Variants in CA8 observed in about 807,000 individuals in gnomAD.
The protein encoded by CA8 is carbonic anhydrase-related protein.
CA8 carries 22 observed loss-of-function variants against 41.4 expected under a neutral mutation model. The ratio of observed to expected loss-of-function variants is 0.53; its 90% confidence interval spans 0.38 to 0.76. CA8 has a LOEUF of 0.76. Ranked by LOEUF, CA8 falls within the 30% of genes least tolerant of loss-of-function variation. The pLI, the probability that CA8 is intolerant of heterozygous loss-of-function variation, is 0.00. For missense variants in CA8, 270 were observed against 352.8 expected (o/e 0.77, Z 1.88); for synonymous variants, 121 against 130.6 (o/e 0.93, Z 0.50).
rs761202896 is a variant in CA8, at chr8:60,222,727, G to A, written c.660C>T (p.Gly220=). Residue 220 remains glycine (G), a synonymous_variant, in exon 7 of 9, where the codon GGC becomes GGT. Coordinates refer to ENST00000317995, the MANE Select transcript of CA8 (RefSeq NM_004056.6). ...CACTGCAAGGTGGGATGGTGAGAGA[G>A]CCTTCATACACCCAGTAATCCCGCA... ...PLLRDYWVYE[G]SLTIPPCSEG... The A allele has an allele frequency of 6.2e-7, 1 of 1,613,790 alleles. No homozygotes were observed. The highest frequency in any genetic ancestry group is 1.7e-5 in the Admixed American group (1 of 60,030).
intron 3 of CA8, among the ~76,000 whole-genome samples, chr8:60,260,879 A>G (rs1803711833): frequency 6.6e-6 from 1 of 152,204 alleles, no homozygotes; most frequent in South Asian, 2.1e-4. Context: ...ATGTTCCTGA[A>G]AGTTAAATAA....
chr8:60,220,995 C>T (rs576997527), intron 7 of CA8, among the ~76,000 whole-genome samples: 15 of 152,190 alleles, frequency 9.9e-5, no homozygotes, highest in Non-Finnish European at 7.4e-5. Context: ...GCCTTCACTG[C>T]GAATCAGAAA....
rs1402583103 is a variant in CA8 at position 60,187,181 on chromosome 8, A to G, written c.*2840T>C. On this transcript the variant is annotated 3_prime_UTR_variant, in exon 9 of 9. Coordinates refer to ENST00000317995, the MANE Select transcript of CA8 (RefSeq NM_004056.6). ...TTATAAATCAATAACAAATTTGGGAATTCATAAATATGTGGAAATTAAACA... is the reference window on the plus strand; with the variant it reads ...TTATAAATCAATAACAAATTTGGGAGTTCATAAATATGTGGAAATTAAACA... 6.6e-6 allele frequency among the ~76,000 whole-genome samples: 1 copy of G among 152,112 alleles called. No individual in the cohort carries two copies. Among genetic ancestry groups the G allele is most frequent in the Non-Finnish European group, 1.5e-5 (1 of 67,964 alleles).
intron 2 of CA8, among the ~76,000 whole-genome samples, chr8:60,268,888 T>C (rs758726866): frequency 1.1e-4 from 16 of 152,158 alleles, no homozygotes; most frequent in Admixed American, 2.0e-4. Flanking sequence ...GTAATTATAT[T>C]CTATGGTATG....
chr8:60,238,620 G>A (rs1301717809), intron 3 of CA8, among the ~76,000 whole-genome samples: 1 of 152,044 alleles, frequency 6.6e-6, no homozygotes, highest in East Asian at 1.9e-4. Context: ...CCTCTCCTGG[G>A]CCCTGGCATT....
chr8:60,253,484 G>A (rs1203978623), intron 3 of CA8, among the ~76,000 whole-genome samples: 5 of 151,904 alleles, frequency 3.3e-5, no homozygotes, highest in Admixed American at 3.3e-4. Context: ...ATCCTCAACT[G>A]CATCTCTCAC....
rs7002846 is a variant in CA8 at position 60,280,894 on chromosome 8, A to G, written c.100+154T>C. On this transcript the variant is annotated intron_variant, in intron 1 of 8. Transcript: ENST00000317995. ...CTGGAGCGCCTCCCGCCCGAAACGC[A>G]CCAGGGGAGTGGGAAAGTGGCAGAG... Among the ~76,000 whole-genome samples the G allele has an allele frequency of 0.6, 91,770 of 152,116 alleles. 28,744 individuals are homozygous for G. The highest frequency in any genetic ancestry group is 0.79 in the African/African-American group (32,930 of 41,530).
intron 7 of CA8, among the ~76,000 whole-genome samples, chr8:60,220,574 GTTC>G (rs1453513097): frequency 6.6e-6 from 1 of 152,080 alleles, no homozygotes; most frequent in Non-Finnish European, 1.5e-5. Flanking sequence ...CTCCCTCCCT[GTTC>G]TTCTCAAGAC....
chr8:60,237,866 C>G (rs796588578), intron 3 of CA8, among the ~76,000 whole-genome samples: 1 of 152,212 alleles, frequency 6.6e-6, no homozygotes, highest in Admixed American at 6.5e-5. Flanking sequence ...TTCCCCCCAG[C>G]CCACCAACAG....
chr8:60,253,074 TA>T (rs915530062), intron 3 of CA8, among the ~76,000 whole-genome samples: 60 of 144,724 alleles, frequency 4.1e-4, no homozygotes, highest in Non-Finnish European at 4.6e-4. Context: ...TACACCAAAA[TA>T]AAAAAAAAAA....
chr8:60,273,807 G>A (rs1379162404), intron 2 of CA8, among the ~76,000 whole-genome samples: 1 of 152,242 alleles, frequency 6.6e-6, no homozygotes, highest in Admixed American at 6.5e-5. Flanking sequence ...CAGTGACCTT[G>A]GCTTGAGAAG....
At chr8:60,280,900 G>A in intron 1 of CA8, 148 bp downstream of exon 1, 1 of 683,698 alleles carries the variant, frequency 1.5e-6, no homozygotes, top group Admixed American at 2.1e-5. Flanking sequence ...ACGCACCAGG[G>A]GAGTGGGAAA....
intron 8 of CA8, among the ~76,000 whole-genome samples, chr8:60,194,222 A>C (rs1025903144): frequency 6.6e-6 from 1 of 151,994 alleles, no homozygotes; most frequent in Non-Finnish European, 1.5e-5. Context: ...AACTCACTTT[A>C]TTGTCTGATT....
At chr8:60,238,765 C>T (rs898982312) in intron 3 of CA8, among the ~76,000 whole-genome samples, 6 of 152,136 alleles carry the variant, frequency 3.9e-5, no homozygotes, top group African/African-American at 1.4e-4. Flanking sequence ...CCCACCCTAA[C>T]TCTCCCCACA....
At chr8:60,261,591 C>G (rs1803735644) in intron 3 of CA8, among the ~76,000 whole-genome samples, 1 of 152,196 alleles carries the variant, frequency 6.6e-6, no homozygotes, top group Non-Finnish European at 1.5e-5. Context: ...AAACCTAAAT[C>G]TATCCAATTT....
At chr8:60,216,974 C>T (rs568096478) in intron 7 of CA8, among the ~76,000 whole-genome samples, 5 of 152,274 alleles carry the variant, frequency 3.3e-5, no homozygotes, top group African/African-American at 1.2e-4. Context: ...ACTTCCGCCT[C>T]CCAGGTTCAA....
At chr8:60,264,512 G>T (rs1401502872) in intron 3 of CA8, among the ~76,000 whole-genome samples, 1 of 152,144 alleles carries the variant, frequency 6.6e-6, no homozygotes, top group African/African-American at 2.4e-5. Flanking sequence ...ATTTTTCCTT[G>T]TCAGGTTGGC....
intron 7 of CA8, among the ~76,000 whole-genome samples, chr8:60,216,254 C>T (rs1285475195): frequency 4.6e-5 from 7 of 152,148 alleles, no homozygotes; most frequent in Non-Finnish European, 7.3e-5. Context: ...ATGAGCAGCA[C>T]CAAGTAAAAC....
chr8:60,203,972 G>A (rs944762491), intron 8 of CA8, among the ~76,000 whole-genome samples: 5 of 152,154 alleles, frequency 3.3e-5, no homozygotes, highest in African/African-American at 1.2e-4. Flanking sequence ...GGGCCTTTGT[G>A]AGGTCTGTTG....
Sources: allele counts gnomAD v4.1 joint callset (sites outside exome capture counted in the v4.1 genomes callset), GRCh38; gene constraint gnomAD v4.1.1; transcripts MANE v1.5; gene names NCBI Gene and HGNC (gene_info 2026-07-23, HGNC 2026-07-21).